Variants in DCST1 observed in about 807,000 individuals in gnomAD.
DCST1 encodes the protein DC-STAMP domain containing 1, also known as E3 ubiquitin-protein ligase DCST1.
In DCST1, 78 loss-of-function variants were observed where a neutral mutation model predicts 89.1. That is an observed-to-expected ratio of 0.88 (90% CI 0.73 to 1.06). The LOEUF (loss-of-function observed/expected upper bound fraction) is 1.06, where lower values mean the gene tolerates loss of function less well. DCST1 is among the 50% of genes least tolerant of loss of function. The pLI, the probability that DCST1 is intolerant of heterozygous loss-of-function variation, is 0.00. For synonymous variants in DCST1, 364 were observed against 371.9 expected (o/e 0.98, Z 0.24); for missense variants, 900 against 928.6 (o/e 0.97, Z 0.40).
At position 155,041,858 on chromosome 1, in the gene DCST1, G is replaced by A. The variant is rs773865881; in HGVS notation, c.892+1G>A. On this transcript the variant is annotated splice_donor_variant, in intron 8 of 16. Coordinates refer to ENST00000295542, the MANE Select transcript of DCST1 (RefSeq NM_152494.4). LOFTEE classifies it high-confidence loss of function. ...AAGTTCTTCTGTGGCATTGCCAAGG[G>A]TCTGCACAGTTGCAAAGGGGTGGGG... 1.2e-6 allele frequency: 2 copies of A among 1,614,094 alleles called. No homozygotes were observed. The highest frequency in any genetic ancestry group is 1.7e-6 in the Non-Finnish European group (2 of 1,180,046).
At chr1:155,050,569 C>T (rs1370481498) in intron 16 of DCST1, 48 bp from the exon 17 acceptor site, 1 of 1,516,582 alleles carries the variant, frequency 6.6e-7, no homozygotes, top group South Asian at 1.3e-5. Flanking sequence ...AGTTCCCCTT[C>T]TTTCCCGCCT....
chr1:155,049,151 T>C (rs1191084630), intron 16 of DCST1: 12 of 703,462 alleles, frequency 1.7e-5, no homozygotes, highest in Non-Finnish European at 3.2e-5. Context: ...CTCATTACTA[T>C]GACAACGGTG....
At position 155,047,912 on chromosome 1, in the gene DCST1, G is replaced by C; in HGVS notation, c.1738G>C (p.Ala580Pro). The C allele has an allele frequency of 6.2e-7, 1 of 1,614,102 alleles. No homozygotes were observed. Among genetic ancestry groups the C allele is most frequent in the South Asian group, 1.1e-5 (1 of 91,078 alleles). ...CTACCGACTCCGGAGGGTCATCGCA[G>C]CCTTCTACTTCCCCAAGGTTTGCCC... ...FGYRLRRVIA[A>P]FYFPKREKKR... is the part of the protein sequence containing the mutation. Residue 580 changes from alanine to proline, a missense_variant, in exon 15 of 17, where the codon GCC (alanine) becomes CCC (proline). Transcript: ENST00000295542.
At chr1:155,049,190 T>C (rs1264087201) in intron 16 of DCST1, 1 of 638,426 alleles carries the variant, frequency 1.6e-6, no homozygotes, top group Non-Finnish European at 2.9e-6. Context: ...TTAACTGCTG[T>C]GCCTGGGCTT....
At chr1:155,043,650 C>T in intron 10 of DCST1, 141 bp downstream of exon 10, 2 of 1,178,670 alleles carry the variant, frequency 1.7e-6, no homozygotes, top group Non-Finnish European at 2.2e-6. Context: ...TTTGTTTACA[C>T]AAAGTTAAAG....
At chr1:155,043,905 C>T (rs1660518488) in intron 10 of DCST1, among the ~76,000 whole-genome samples, 1 of 152,306 alleles carries the variant, frequency 6.6e-6, no homozygotes, top group East Asian at 1.9e-4. Context: ...GCGACTTTCC[C>T]TCCATTTAGA....
intron 5 of DCST1, among the ~76,000 whole-genome samples, chr1:155,039,940 G>A (rs767788451): frequency 4.6e-5 from 6 of 129,672 alleles, no homozygotes; most frequent in East Asian, 2.6e-4. Context: ...GCAGTGAGCC[G>A]AGATTGCGCC....
At chr1:155,039,899 G>A (rs563475013) in intron 5 of DCST1, among the ~76,000 whole-genome samples, 13 of 146,508 alleles carry the variant, frequency 8.9e-5, no homozygotes, top group Non-Finnish European at 1.5e-4. Context: ...GCTGAGACAG[G>A]AGAATCACTT....
intron 4 of DCST1, chr1:155,035,335 T>G (rs1176266194): frequency 6.5e-6 from 1 of 153,328 alleles, no homozygotes; most frequent in Admixed American, 6.5e-5. Flanking sequence ...CTAATTTTTG[T>G]ATTTTTAGTA....
In DCST1 at chr1:155,040,570, C is replaced by T. The variant is rs141235792; in HGVS notation, c.477C>T (p.Arg159=). The change falls in exon 6 of 17, where the codon CGC becomes CGT. Residue 159 remains arginine (R), a synonymous_variant. Coordinates refer to ENST00000295542, the MANE Select transcript of DCST1 (RefSeq NM_152494.4). ...CTVELQINNT[R]AAWRISTAPL... ...TGGAGCTGCAGATCAACAACACCCG[C>T]GCAGCTTGGCGCATCTCCACAGCCC... is the stretch of plus-strand genomic sequence containing the variant. 114 of 1,587,206 alleles carry T rather than the reference C, an allele frequency of 7.2e-5. No individual in the cohort carries two copies. Among genetic ancestry groups the T allele is most frequent in the South Asian group, 5.8e-4 (51 of 87,212 alleles).
intron 4 of DCST1, among the ~76,000 whole-genome samples, chr1:155,038,102 A>T (rs572030130): frequency 2.0e-5 from 3 of 152,348 alleles, no homozygotes; most frequent in South Asian, 4.1e-4. Flanking sequence ...AACCTGAATG[A>T]CTAGGTGGAG....
rs35215394 is a variant in DCST1, at chr1:155,040,302, CA to C, written c.392-164del. 5.7e-3 allele frequency among the ~76,000 whole-genome samples: 339 copies of C among 59,904 alleles called. 1 individual carries two copies. Among genetic ancestry groups the C allele is most frequent in the African/African-American group, 0.015 (253 of 17,288 alleles). The allele number at this position is 59,904 out of a possible 152,430, so 39.3% of individuals were successfully genotyped here. On this transcript the variant is annotated intron_variant, in intron 5 of 16. Coordinates refer to ENST00000295542, the MANE Select transcript of DCST1 (RefSeq NM_152494.4). ...TGGGCAACAGAGGGAGACTCCGTCT[CA>C]AAAAAAAAAAAAAAAAAACAGTGAA...
In DCST1 at chr1:155,046,369, C is replaced by T. The variant is rs1340438967; in HGVS notation, c.1378C>T (p.Leu460Phe). The T allele has an allele frequency of 3.1e-6, 5 of 1,613,994 alleles. No homozygotes were observed. The highest frequency in any genetic ancestry group is 4.2e-6 in the Non-Finnish European group (5 of 1,180,012). Residue 460 changes from leucine to phenylalanine, a missense_variant, in exon 13 of 17, where the codon CTC (leucine) becomes TTC (phenylalanine). Transcript: ENST00000295542. The part of the protein sequence containing the change: ...ASEMSNVVRE[L>F]LETLPILLLL... ...CCTGCTCCTTGGCCAGGTGAGGGAG[C>T]TCCTGGAGACACTGCCCATTCTGCT...
chr1:155,048,966 C>G, intron 16 of DCST1: 1 of 714,620 alleles, frequency 1.4e-6, no homozygotes, highest in African/African-American at 1.7e-5. Flanking sequence ...TCCATACTCC[C>G]TCATTAAGTT....
At position 155,043,400 on chromosome 1, in the gene DCST1, G is replaced by T; in HGVS notation, c.1063G>T (p.Val355Leu). The change falls in exon 10 of 17, where the codon GTG (valine) becomes TTG (leucine). Residue 355 changes from valine to leucine, a missense_variant. By Grantham distance (32) the Val-to-Leu change is conservative. Coordinates refer to ENST00000295542, the MANE Select transcript of DCST1 (RefSeq NM_152494.4). ...GGGGCTCAACACAAGCTGGGAGCGC[G>T]TGAGCACCGAGGTGCGGGACTACGT... Reference protein sequence around the residue: ...VLGLNTSWERVSTEVRDYVYR... With the variant: ...VLGLNTSWERLSTEVRDYVYR... 1 of 1,613,992 alleles carries T rather than the reference G, an allele frequency of 6.2e-7. No homozygotes were observed.
rs1660207572 is a variant in DCST1, at chr1:155,034,539, G to A, written c.166G>A (p.Ala56Thr). 9 of 1,613,490 alleles carry A rather than the reference G, an allele frequency of 5.6e-6. No homozygotes were observed. Among genetic ancestry groups the A allele is most frequent in the Non-Finnish European group, 5.9e-6 (7 of 1,179,968 alleles). The change falls in exon 3 of 17, where the codon GCT becomes ACT. Residue 56 changes from alanine (A) to threonine (T), a missense_variant. Ala to Thr is a moderately conservative substitution (Grantham distance 58). Transcript: ENST00000295542. ...CACTGCTCTCCTGCTGGGGGCAGGC[G>A]CTGGGGGGCTCCTGGCCATAGGTGA... ...PVTALLLGAG[A>T]GGLLAIGLFQ...
At chr1:155,050,042 CAA>C (rs2102368908) in intron 16 of DCST1, among the ~76,000 whole-genome samples, 1 of 152,312 alleles carries the variant, frequency 6.6e-6, no homozygotes, top group Admixed American at 6.5e-5. Context: ...AGGCCAAGCC[CAA>C]GAGTTCTGCC....
Position 155,048,075 on chromosome 1 carries a change from C to A in DCST1, c.1774C>A (p.Leu592Met). 1 of 1,614,046 alleles carries A rather than the reference C, an allele frequency of 6.2e-7. No individual in the cohort carries two copies. The highest frequency in any genetic ancestry group is 1.3e-5 in the African/African-American group (1 of 74,986). ...CCCCCAGCGAGAGAAGAAGCGGATC[C>A]TGTTCCTCTACAATGACCTATTGAA... ...YFPKREKKRILFLYNDLLKKR... is the reference protein window; with the variant it reads ...YFPKREKKRIMFLYNDLLKKR... The change falls in exon 16 of 17, where the codon CTG becomes ATG. Residue 592 changes from leucine (L) to methionine (M), a missense_variant. By Grantham distance (15) the Leu-to-Met change is conservative. Transcript: ENST00000295542.
At position 155,033,971 on chromosome 1, in the gene DCST1, G is replaced by C. The variant is rs1660187092; in HGVS notation, c.-65-1G>C. On this transcript the variant is annotated splice_acceptor_variant, in intron 1 of 16. Coordinates refer to ENST00000295542, the MANE Select transcript of DCST1 (RefSeq NM_152494.4). LOFTEE classifies it low-confidence loss of function (5UTR_SPLICE). ...AGGCAGCACCTCTCTTCTCTCACCA[G>C]AACCTTGTGTCCAAGGAGGTCCTTC... 1 of 1,590,858 alleles carries C rather than the reference G, an allele frequency of 6.3e-7. No individual in the cohort carries two copies. Among genetic ancestry groups the C allele is most frequent in the Non-Finnish European group, 8.6e-7 (1 of 1,159,652 alleles).
Sources: gnomAD v4.1 joint callset for allele counts (sites outside exome capture counted in the v4.1 genomes callset) on GRCh38, gnomAD v4.1.1 for gene constraint, MANE v1.5 for transcripts, NCBI Gene and HGNC (gene_info 2026-07-23, HGNC 2026-07-21) for gene names.